Variants in TRAPPC13 observed in about 807,000 individuals in gnomAD.
TRAPPC13 encodes REV7-interacting novel NHEJ regulator 1.
A neutral mutation model predicts 54.0 loss-of-function variants in TRAPPC13; 39 were observed. The ratio of observed to expected loss-of-function variants is 0.72; its 90% confidence interval spans 0.56 to 0.94. The LOEUF is 0.94. TRAPPC13 is among the 40% of genes least tolerant of loss of function. TRAPPC13 has a pLI of 0.00. For synonymous variants in TRAPPC13, 148 were observed against 167.7 expected (o/e 0.88, Z 0.91); for missense variants, 386 against 488.1 (o/e 0.79, Z 1.97).
intron 7 of TRAPPC13, among the ~76,000 whole-genome samples, chr5:65,653,613 G>A (rs1756552892): frequency 6.6e-6 from 1 of 152,166 alleles, no homozygotes; most frequent in South Asian, 2.1e-4. Context: ...TCTTGGAATA[G>A]TTTAAAGAAG....
chr5:65,625,174 C>T (rs1486505280), intron 1 of TRAPPC13, 68 bp downstream of exon 1: 6 of 1,296,730 alleles, frequency 4.6e-6, no homozygotes, highest in Non-Finnish European at 6.7e-6. Flanking sequence ...GAAGCCTTTG[C>T]CATGTAGGCC....
intron 4 of TRAPPC13, among the ~76,000 whole-genome samples, chr5:65,643,503 C>A (rs1756052324): frequency 6.6e-6 from 1 of 151,870 alleles, no homozygotes; most frequent in African/African-American, 2.4e-5. Flanking sequence ...ATTCTAAAAT[C>A]TCATATATTT....
chr5:65,656,937 G>A (rs1756674081), intron 8 of TRAPPC13, among the ~76,000 whole-genome samples: 1 of 151,864 alleles, frequency 6.6e-6, no homozygotes, highest in South Asian at 2.1e-4. Flanking sequence ...ATTTAGCTGG[G>A]CATGGTGGCA....
chr5:65,642,252 G>A (rs1755997234), intron 4 of TRAPPC13, among the ~76,000 whole-genome samples: 1 of 152,032 alleles, frequency 6.6e-6, no homozygotes, highest in Non-Finnish European at 1.5e-5. Flanking sequence ...GAACTTAGGA[G>A]GCGGAGGTTG....
chr5:65,643,576 T>C (rs1268472287), intron 4 of TRAPPC13, among the ~76,000 whole-genome samples: 1 of 152,092 alleles, frequency 6.6e-6, no homozygotes, highest in East Asian at 1.9e-4. Context: ...CCCAGCACTT[T>C]GGGAGGCCGA....
intron 1 of TRAPPC13, among the ~76,000 whole-genome samples, chr5:65,634,059 C>T (rs1755652671): frequency 7.4e-6 from 1 of 135,540 alleles, no homozygotes; most frequent in South Asian, 2.5e-4. Context: ...AATCTCGGCT[C>T]ACTGCAACCT....
chr5:65,642,306 G>C (rs559677867), intron 4 of TRAPPC13, among the ~76,000 whole-genome samples: 1 of 151,672 alleles, frequency 6.6e-6, no homozygotes, highest in Non-Finnish European at 1.5e-5. Flanking sequence ...CTGGGCAACA[G>C]TGTGAGACTC....
In TRAPPC13 at chr5:65,625,028, C is replaced by G; in HGVS notation, c.-33C>G. On this transcript the variant is annotated 5_prime_UTR_variant, in exon 1 of 13. Transcript: ENST00000399438. ...CGGGGCAAGTTGAACCTGTCCAGCCCCCGTAGGCTGTGGGTCAAAAGTGCC... is the reference window on the plus strand; with the variant it reads ...CGGGGCAAGTTGAACCTGTCCAGCCGCCGTAGGCTGTGGGTCAAAAGTGCC... The G allele has an allele frequency of 6.2e-7, 1 of 1,602,716 alleles. No individual in the cohort carries two copies. Among genetic ancestry groups the G allele is most frequent in the Middle Eastern group, 1.7e-4 (1 of 6,050 alleles).
intron 4 of TRAPPC13, among the ~76,000 whole-genome samples, chr5:65,643,143 G>C (rs1756032320): frequency 6.6e-6 from 1 of 151,046 alleles, no homozygotes; most frequent in Non-Finnish European, 1.5e-5. Context: ...TAATGGAAAA[G>C]CTTTTTAGGG....
At position 65,633,307 on chromosome 5, in the gene TRAPPC13, G is replaced by T. The variant is rs187555856; in HGVS notation, c.47-1994G>T. Among the ~76,000 whole-genome samples, 449 of 151,880 alleles carry T rather than the reference G, an allele frequency of 3.0e-3. 5 individuals are homozygous for T. Among genetic ancestry groups the T allele is most frequent in the African/African-American group, 0.01 (432 of 41,424 alleles). ...GGAATTTTTTTTTTTTTGAGGCGGG[G>T]TCTTGCTCTGTTGCCCAGGCTGGAG... On this transcript the variant is annotated intron_variant, in intron 1 of 12. Transcript: ENST00000399438.
intron 1 of TRAPPC13, among the ~76,000 whole-genome samples, chr5:65,633,038 T>C (rs1755606164): frequency 6.6e-6 from 1 of 152,106 alleles, no homozygotes; most frequent in African/African-American, 2.4e-5. Flanking sequence ...TATAAACAAA[T>C]AAATATACTG....
chr5:65,657,324 G>A lies in TRAPPC13; in HGVS notation c.565-1044G>A, dbSNP rs542674744. On this transcript the variant is annotated intron_variant, in intron 8 of 12. Coordinates refer to ENST00000399438, the MANE Select transcript of TRAPPC13 (RefSeq NM_024941.4). The stretch of plus-strand genomic sequence containing the variant: ...TTGAACCCGGGAGGCGGAGGTTGCA[G>A]TGTACCAAGATCACCCCACCACACT... 3.9e-5 allele frequency among the ~76,000 whole-genome samples: 6 copies of A among 152,304 alleles called. 2 individuals are homozygous for A. The highest frequency in any genetic ancestry group is 1.4e-4 in the African/African-American group (6 of 41,572).
At chr5:65,631,479 A>C (rs1271791691) in intron 1 of TRAPPC13, among the ~76,000 whole-genome samples, 2 of 152,166 alleles carry the variant, frequency 1.3e-5, no homozygotes, top group Non-Finnish European at 2.9e-5. Flanking sequence ...TCACCCATGT[A>C]ATCAGGATAA....
chr5:65,629,888 C>T, intron 1 of TRAPPC13: 1 of 1,536,080 alleles, frequency 6.5e-7, no homozygotes. Context: ...GAAAAAGCAG[C>T]ATTTAACCTG....
In TRAPPC13 at chr5:65,664,267, G is replaced by A. The variant is rs1314844612; in HGVS notation, c.1029G>A (p.Met343Ile). ...SERTMDLVLE[M>I]CNTNSIHWCG... The stretch of plus-strand genomic sequence containing the variant: ...GGACTATGGATCTGGTTTTGGAAAT[G>A]TGCAATACCAATTCCATCCACTGGT... The change falls in exon 12 of 13, where the codon ATG becomes ATA. Residue 343 changes from methionine (M) to isoleucine (I), a missense_variant. Transcript: ENST00000399438. The A allele has an allele frequency of 6.2e-7, 1 of 1,613,890 alleles. No homozygotes were observed. Among genetic ancestry groups the A allele is most frequent in the East Asian group, 2.2e-5 (1 of 44,876 alleles).
chr5:65,658,184 C>T, intron 8 of TRAPPC13, 184 bp from the exon 9 acceptor site: 2 of 488,996 alleles, frequency 4.1e-6, no homozygotes, highest in South Asian at 3.6e-5. Context: ...TTGACTTTGC[C>T]CCTGTTAATT....
chr5:65,659,222 A>G (rs1359961682), intron 9 of TRAPPC13, among the ~76,000 whole-genome samples: 1 of 152,190 alleles, frequency 6.6e-6, no homozygotes, highest in East Asian at 1.9e-4. Context: ...GACTCAAACG[A>G]TCTCCCAAGT....
intron 4 of TRAPPC13, among the ~76,000 whole-genome samples, chr5:65,646,686 G>C (rs965504078): frequency 1.3e-5 from 2 of 152,144 alleles, no homozygotes; most frequent in Non-Finnish European, 2.9e-5. Context: ...ATAGATTACA[G>C]TTAAGATTTT....
At chr5:65,643,692 C>T (rs940986856) in intron 4 of TRAPPC13, among the ~76,000 whole-genome samples, 2 of 151,752 alleles carry the variant, frequency 1.3e-5, no homozygotes, top group African/African-American at 2.4e-5. Flanking sequence ...TGGCGGGCGC[C>T]TGTAGTCCCA....
Sources: gnomAD v4.1 joint callset for allele counts (sites outside exome capture counted in the v4.1 genomes callset) on GRCh38, gnomAD v4.1.1 for gene constraint, MANE v1.5 for transcripts, NCBI Gene and HGNC (gene_info 2026-07-23, HGNC 2026-07-21) for gene names.